The following ABCA5 variants were observed in gnomAD, a reference collection of about 807,000 sequenced individuals.
ABCA5 encodes the protein ATP binding cassette subfamily A member 5.
ABCA5 carries 163 observed loss-of-function variants against 206.0 expected under a neutral mutation model. The observed-to-expected ratio is 0.79, with a 90% CI of 0.70 to 0.90. The LOEUF (loss-of-function observed/expected upper bound fraction) is 0.90. Ranked by LOEUF, ABCA5 falls within the 40% of genes least tolerant of loss-of-function variation. The pLI, the probability that ABCA5 is intolerant of heterozygous loss-of-function variation, is 0.00. For synonymous variants in ABCA5, 609 were observed against 613.8 expected (o/e 0.99, Z 0.11); for missense variants, 1,859 against 1,912.9 (o/e 0.97, Z 0.53).
rs750887568 is a variant in ABCA5 at position 69,250,508 on chromosome 17, A to G, written c.4649T>C (p.Ile1550Thr). ...NLEVDRLQREIQYIFPNASRQ... is the reference protein window; with the variant it reads ...NLEVDRLQRETQYIFPNASRQ... ...GCTTGCATTTGGGAAAATATACTGA[A>G]TTTCTCTTTGAAGGCGGTCTACTTC... The change falls in exon 36 of 39, where the codon ATT (isoleucine) becomes ACT (threonine). Residue 1550 changes from isoleucine to threonine, a missense_variant. Ile to Thr is a moderately conservative substitution (Grantham distance 89). Transcript: ENST00000392676. The G allele has an allele frequency of 6.2e-7, 1 of 1,606,372 alleles. No individual in the cohort carries two copies. Among genetic ancestry groups the G allele is most frequent in the South Asian group, 1.1e-5 (1 of 89,318 alleles).
At chr17:69,260,444 T>C in intron 26 of ABCA5, 32 bp from the exon 27 acceptor site, 1 of 1,326,254 alleles carries the variant, frequency 7.5e-7, no homozygotes, top group Non-Finnish European at 1.1e-6. Flanking sequence ...ATATATACGC[T>C]GCAATATGTA....
intron 11 of ABCA5, among the ~76,000 whole-genome samples, chr17:69,293,896 G>GTA (rs2075557654): frequency 6.7e-6 from 1 of 148,650 alleles, no homozygotes; most frequent in Non-Finnish European, 1.5e-5. Context: ...TTGTGTGTGT[G>GTA]TGTATTCTAT....
At chr17:69,265,326 TAAA>T (rs2075196404) in intron 23 of ABCA5, among the ~76,000 whole-genome samples, 1 of 152,106 alleles carries the variant, frequency 6.6e-6, no homozygotes, top group Non-Finnish European at 1.5e-5. Flanking sequence ...CTTTCATAAA[TAAA>T]AACACTAATA....
intron 3 of ABCA5, among the ~76,000 whole-genome samples, chr17:69,310,772 T>G (rs2075760389): frequency 6.6e-6 from 1 of 152,264 alleles, no homozygotes; most frequent in Admixed American, 6.5e-5. Context: ...AACGTCTTCA[T>G]GTATTAACTG....
Position 69,244,406 on chromosome 17 carries a change from T to A in ABCA5, c.*3131A>T, listed in dbSNP as rs1598138656. On this transcript the variant is annotated 3_prime_UTR_variant, in exon 39 of 39. Transcript: ENST00000392676. ...AAAGAATTCACTTCAGTATACAAAA[T>A]GACTTGTCTTAAATTTTCAACTCTT... The A allele has an allele frequency of 6.6e-6, 1 of 151,968 alleles. No homozygotes were observed. Among genetic ancestry groups the A allele is most frequent in the East Asian group, 1.9e-4 (1 of 5,198 alleles). 9.4% of individuals were successfully genotyped at this position (151,968 alleles called of 1,614,324 possible).
chr17:69,271,128 C>A, intron 21 of ABCA5, 34 bp downstream of exon 21: 1 of 1,589,808 alleles, frequency 6.3e-7, no homozygotes, highest in South Asian at 1.2e-5. Context: ...TGCATAACTC[C>A]CAAATGGATA....
chr17:69,249,939 C>T lies in ABCA5; in HGVS notation c.4731G>A (p.Gln1577=), dbSNP rs1184180206. 2.0e-6 allele frequency: 3 copies of T among 1,529,262 alleles called. No homozygotes were observed. Among genetic ancestry groups the T allele is most frequent in the Non-Finnish European group, 2.6e-6 (3 of 1,140,460 alleles). The allele number at this position is 1,529,262 out of a possible 1,614,324, so 94.7% of individuals were successfully genotyped here. ...GCTTAAAAAAAGATTGTGAAAGGGA[C>T]TGAACATCTTCCTTAGGAATTTTAT... The part of the protein sequence containing the change: ...LAYKIPKEDV[Q]SLSQSFFKLE... Residue 1577 remains glutamine (Q), a synonymous_variant, in exon 37 of 39, where the codon CAG becomes CAA. Transcript: ENST00000392676.
Position 69,255,606 on chromosome 17 carries a change from A to G in ABCA5, c.4005T>C (p.Asn1335=). 1.3e-6 allele frequency: 2 copies of G among 1,582,608 alleles called. No homozygotes were observed. The highest frequency in any genetic ancestry group is 1.7e-6 in the Non-Finnish European group (2 of 1,171,534). Residue 1335 remains asparagine, a synonymous_variant, in exon 31 of 39, where the codon AAT becomes AAC. Coordinates refer to ENST00000392676, the MANE Select transcript of ABCA5 (RefSeq NM_172232.4). The part of the protein sequence containing the change: ...KGEILGLLGP[N]GAGKSTIINI... ...TAATAATTGTGCTTTTGCCAGCACC[A>G]TTTGGACCCAATAGTCCTAAGATCT...
At position 69,306,822 on chromosome 17, in the gene ABCA5, G is replaced by C; in HGVS notation, c.691C>G (p.Pro231Ala). 1.3e-6 allele frequency: 2 copies of C among 1,598,610 alleles called. No individual in the cohort carries two copies. Among genetic ancestry groups the C allele is most frequent in the Non-Finnish European group, 1.7e-6 (2 of 1,172,262 alleles). The change falls in exon 6 of 39, where the codon CCT becomes GCT. Residue 231 changes from proline (P) to alanine (A), a missense_variant. Physicochemically the swap from Pro to Ala is conservative, Grantham distance 27. Transcript: ENST00000392676. ...ILIYLVIAFS[P>A]FGYFLAIHIV... ...TGAATTGCCAAAAAGTATCCAAAAG[G>C]TGAAAATGCTATAACTAGGTATATT...
intron 1 of ABCA5, chr17:69,317,364 C>A (rs1311143824): frequency 8.1e-6 from 1 of 123,434 alleles, no homozygotes; most frequent in African/African-American, 3.1e-5. Context: ...TGCACCACTG[C>A]ATTCCAGCCT....
intron 34 of ABCA5, among the ~76,000 whole-genome samples, 174 bp downstream of exon 34, chr17:69,253,398 CA>C (rs34951150): frequency 0.049 from 7,530 of 152,204 alleles, 238 homozygotes; most frequent in Middle Eastern, 0.085. Context: ...GAAAAATATG[CA>C]AAGTTTTAAA....
chr17:69,289,873 T>C lies in ABCA5; in HGVS notation c.1771A>G (p.Ile591Val), dbSNP rs534559046. 14 of 1,605,622 alleles carry C rather than the reference T, an allele frequency of 8.7e-6. No homozygotes were observed. Among genetic ancestry groups the C allele is most frequent in the African/African-American group, 5.4e-5 (4 of 74,690 alleles). ...TATGAATAGCATACTTCTTGTATTA[T>C]ATTGTTGGCTGGTATCCCTTTGATT... ...ASIKGIPANN[I>V]IQEVQKVLLD... The change falls in exon 13 of 39, where the codon ATA becomes GTA. Residue 591 changes from isoleucine (I) to valine (V), a missense_variant. Coordinates refer to ENST00000392676, the MANE Select transcript of ABCA5 (RefSeq NM_172232.4).
At chr17:69,303,683 G>A (rs755571657) in intron 7 of ABCA5, among the ~76,000 whole-genome samples, 1 of 128,866 alleles carries the variant, frequency 7.8e-6, no homozygotes, top group Non-Finnish European at 1.6e-5. Context: ...CCAGCACTTT[G>A]GGAGGCCAAG....
intron 6 of ABCA5, 111 bp from the exon 7 acceptor site, chr17:69,304,921 T>A: frequency 2.0e-6 from 2 of 1,004,354 alleles, no homozygotes; most frequent in Non-Finnish European, 2.7e-6. Context: ...TAAAATTAAG[T>A]CACTGTTCAT....
intron 6 of ABCA5, 26 bp from the exon 7 acceptor site, chr17:69,304,836 A>G (rs1438465374): frequency 1.9e-6 from 3 of 1,550,564 alleles, no homozygotes; most frequent in African/African-American, 1.4e-5. Context: ...AGATATAGTT[A>G]TGGTCAAATG....
Position 69,256,292 on chromosome 17 carries a change from A to G in ABCA5, c.3732-9T>C, listed in dbSNP as rs764485264. On this transcript the variant is annotated splice_polypyrimidine_tract_variant and intron_variant, in intron 28 of 38. Coordinates refer to ENST00000392676, the MANE Select transcript of ABCA5 (RefSeq NM_172232.4). ...ACTTCGTTGAAAGGTTTCTACATAT[A>G]TATAATAAATATAAAAGACAGTAGG... is the stretch of plus-strand genomic sequence containing the variant. 2.3e-5 allele frequency: 34 copies of G among 1,504,304 alleles called. No individual in the cohort carries two copies. The highest frequency in any genetic ancestry group is 3.0e-5 in the Non-Finnish European group (33 of 1,116,192). The allele number at this position is 1,504,304 out of a possible 1,614,324, so 93.2% of individuals were successfully genotyped here. A position where few individuals can be genotyped will look rare whatever the true frequency, so the allele number is the denominator to read the frequency against.
At chr17:69,255,878 A>G (rs771748285) in intron 29 of ABCA5, 28 bp from the exon 30 acceptor site, 5 of 1,495,286 alleles carry the variant, frequency 3.3e-6, no homozygotes, top group South Asian at 2.5e-5. Context: ...ATTTAAAAAG[A>G]AAGTTATAAA....
intron 24 of ABCA5, among the ~76,000 whole-genome samples, chr17:69,263,688 C>G (rs1440891430): frequency 5.6e-5 from 5 of 89,908 alleles, no homozygotes; most frequent in African/African-American, 2.5e-4. Context: ...GTTCTTTTTA[C>G]ATGGATTCCT....
intron 1 of ABCA5, among the ~76,000 whole-genome samples, chr17:69,320,044 T>C (rs1294538796): frequency 6.6e-6 from 1 of 152,186 alleles, no homozygotes; most frequent in Admixed American, 6.5e-5. Flanking sequence ...CCTCTTTGGG[T>C]TGTTAAAATG....
Sources: gnomAD v4.1 joint callset for allele counts (sites outside exome capture counted in the v4.1 genomes callset) on GRCh38, gnomAD v4.1.1 for gene constraint, MANE v1.5 for transcripts, NCBI Gene and HGNC (gene_info 2026-07-23, HGNC 2026-07-21) for gene names.